DNAH5: variants seen among roughly 807,000 people sequenced by gnomAD.
DNAH5 encodes the protein dynein axonemal heavy chain 5.
Under a neutral mutation model 518.2 loss-of-function variants are expected in DNAH5, and 372 were observed. That is an observed-to-expected ratio of 0.72 (90% confidence interval 0.66 to 0.78). DNAH5 has a LOEUF of 0.78. Ranked by LOEUF, DNAH5 falls within the 30% of genes least tolerant of loss-of-function variation. DNAH5 has a pLI of 0.00. For missense variants in DNAH5, 5,523 were observed against 5,687.0 expected (o/e 0.97, Z 0.93); for synonymous variants, 2,039 against 2,025.9 (o/e 1.01, Z -0.17).
intron 1 of DNAH5, among the ~76,000 whole-genome samples, chr5:13,985,116 G>A (rs568793696): frequency 6.6e-5 from 10 of 152,122 alleles, no homozygotes; most frequent in African/African-American, 1.9e-4. Flanking sequence ...TGATGAGTTC[G>A]TGTCCTTTGT....
At chr5:13,901,217 C>T (rs775173376) in intron 14 of DNAH5, 35 bp downstream of exon 14, 1 of 1,596,340 alleles carries the variant, frequency 6.3e-7, no homozygotes, top group East Asian at 2.2e-5. Context: ...TCCCATGATT[C>T]CAACAATGGG....
At chr5:13,884,480 T>C (rs1305532786) in intron 19 of DNAH5, among the ~76,000 whole-genome samples, 8 of 152,234 alleles carry the variant, frequency 5.3e-5, no homozygotes, top group Non-Finnish European at 7.3e-5. Context: ...TAGTATCTAC[T>C]TAATAGAATT....
chr5:13,870,967 C>T lies in DNAH5; in HGVS notation c.3634G>A (p.Ala1212Thr). 1 of 1,613,720 alleles carries T rather than the reference C, an allele frequency of 6.2e-7. No homozygotes were observed. The change falls in exon 24 of 79, where the codon GCC becomes ACC. Residue 1212 changes from alanine (A) to threonine (T), a missense_variant. Ala to Thr is a moderately conservative substitution (Grantham distance 58, BLOSUM62 0). This residue lies in a region of DNAH5 where 5,121 missense variants were observed against 5,223.3 expected (regional missense o/e 0.98). Coordinates refer to ENST00000265104, the MANE Select transcript of DNAH5 (RefSeq NM_001369.3). ...LKFALTAETKAWMVVIGRHCN... is the reference protein window; with the variant it reads ...LKFALTAETKTWMVVIGRHCN... Reference sequence around the variant, plus strand: ...TGGCGTCCAATGACAACCATCCAGGCCTTTGTCTCAGCAGTCAGGGCGAAC... The same window carrying T: ...TGGCGTCCAATGACAACCATCCAGGTCTTTGTCTCAGCAGTCAGGGCGAAC...
At chr5:13,842,423 A>AAAGAAAG (rs1391485740) in intron 32 of DNAH5, among the ~76,000 whole-genome samples, 28 of 75,960 alleles carry the variant, frequency 3.7e-4, no homozygotes, top group African/African-American at 1.4e-3. Context: ...AAAAGAAAAG[A>AAAGAAAG]AAAGAAAGAA....
At chr5:13,963,316 G>A (rs779012437) in intron 1 of DNAH5, among the ~76,000 whole-genome samples, 16 of 151,684 alleles carry the variant, frequency 1.1e-4, no homozygotes, top group East Asian at 5.8e-4. Flanking sequence ...GGTGGCTCAC[G>A]CCTATAATCC....
At chr5:13,872,585 T>A (rs114748818) in intron 22 of DNAH5, among the ~76,000 whole-genome samples, 2,231 of 152,314 alleles carry the variant, frequency 0.015, 63 homozygotes, top group African/African-American at 0.051. Flanking sequence ...TACATTTTTT[T>A]AAATTTATTT....
Position 13,867,922 on chromosome 5 carries a change from A to G in DNAH5, c.3905T>C (p.Leu1302Pro). ...CAGCAGCTTCTCCCAAGCATAGTGC[A>G]GTGTATCAACTTTGTCTATCTCTTC... The part of the protein sequence containing the change: ...AREEIDKVDT[L>P]HYAWEKLLAR... The change falls in exon 25 of 79, where the codon CTG (leucine) becomes CCG (proline). Residue 1302 changes from leucine (L) to proline (P), a missense_variant. Physicochemically the swap from Leu to Pro is moderately conservative, Grantham distance 98. Transcript: ENST00000265104. 6.2e-7 allele frequency: 1 copy of G among 1,614,060 alleles called. No homozygotes were observed. Among genetic ancestry groups the G allele is most frequent in the Non-Finnish European group, 8.5e-7 (1 of 1,179,928 alleles).
chr5:13,824,866 T>C (rs1241550604), intron 38 of DNAH5, among the ~76,000 whole-genome samples: 1 of 152,194 alleles, frequency 6.6e-6, no homozygotes, highest in Non-Finnish European at 1.5e-5. Flanking sequence ...AGCCCCCAGC[T>C]TTGTCATTCC....
At chr5:13,894,156 C>T (rs1773621224) in intron 16 of DNAH5, among the ~76,000 whole-genome samples, 1 of 152,152 alleles carries the variant, frequency 6.6e-6, no homozygotes. Context: ...ATATTTGAGC[C>T]CTTCTTTGCA....
intron 51 of DNAH5, 150 bp from the exon 52 acceptor site, chr5:13,786,501 GACA>G (rs1228778815): frequency 7.8e-6 from 6 of 767,392 alleles, no homozygotes; most frequent in Non-Finnish European, 1.1e-5. Flanking sequence ...AAAAACAGAA[GACA>G]ACAATAGAAG....
chr5:13,811,648 T>G lies in DNAH5; in HGVS notation c.7406A>C (p.Lys2469Thr), dbSNP rs1760732904. ...INMLQGLIPLKEQGGEVSQAH... is the reference protein window; with the variant it reads ...INMLQGLIPLTEQGGEVSQAH... ...TCTCTAGAAAGTTGAGCAATTTACC[T>G]TCAGAGGAATCAGGCCTTGAAGCAT... Residue 2469 changes from lysine to threonine, a missense_variant and splice_region_variant, in exon 44 of 79, where the codon AAG (lysine) becomes ACG (threonine). Lys to Thr is a moderately conservative substitution (Grantham distance 78). This residue lies in a region of DNAH5 where 5,121 missense variants were observed against 5,223.3 expected (regional missense o/e 0.98). Coordinates refer to ENST00000265104, the MANE Select transcript of DNAH5 (RefSeq NM_001369.3). The G allele has an allele frequency of 4.3e-6, 7 of 1,614,044 alleles. No individual in the cohort carries two copies. The highest frequency in any genetic ancestry group is 5.9e-6 in the Non-Finnish European group (7 of 1,179,914).
chr5:13,810,388 G>A (rs1426846359), intron 44 of DNAH5, 128 bp from the exon 45 acceptor site: 4 of 796,014 alleles, frequency 5.0e-6, no homozygotes, highest in Non-Finnish European at 8.5e-6. Flanking sequence ...GGGAAAGGAT[G>A]AATACAACTG....
intron 3 of DNAH5, among the ~76,000 whole-genome samples, chr5:13,927,332 A>T (rs6873193): frequency 6.6e-6 from 1 of 152,060 alleles, no homozygotes; most frequent in East Asian, 1.9e-4. Context: ...TCTCTACTGA[A>T]AATACAAAAA....
At chr5:13,916,222 A>C (rs1776628628) in intron 9 of DNAH5, 126 bp downstream of exon 9, 1 of 491,954 alleles carries the variant, frequency 2.0e-6, no homozygotes, top group South Asian at 2.6e-5. Context: ...TTGATAGCCT[A>C]AGCCTTTTTA....
At chr5:13,736,006 A>G (rs1467767483) in intron 66 of DNAH5, 74 bp from the exon 67 acceptor site, 2 of 1,237,460 alleles carry the variant, frequency 1.6e-6, no homozygotes, top group African/African-American at 3.0e-5. Context: ...AGATCAGCCT[A>G]AACTCTAAAT....
intron 10 of DNAH5, 26 bp from the exon 11 acceptor site, chr5:13,913,984 A>G (rs1776348387): frequency 6.8e-6 from 11 of 1,607,404 alleles, no homozygotes; most frequent in Non-Finnish European, 9.4e-6. Context: ...AAAATATACA[A>G]CAAAGGGAAC....
intron 68 of DNAH5, among the ~76,000 whole-genome samples, chr5:13,734,407 AATTTAT>A (rs570032753): frequency 2.1e-3 from 320 of 152,278 alleles, no homozygotes; most frequent in Middle Eastern, 6.8e-3. Context: ...TGTGATAGTG[AATTTAT>A]GTTTTCCAGC....
chr5:13,815,323 C>T (rs1486329815), intron 42 of DNAH5, among the ~76,000 whole-genome samples: 1 of 152,152 alleles, frequency 6.6e-6, no homozygotes, highest in Admixed American at 6.5e-5. Flanking sequence ...GTAGAATATT[C>T]CAGACAGCAA....
chr5:13,869,348 C>T (rs1056191603), intron 24 of DNAH5, among the ~76,000 whole-genome samples: 3 of 151,542 alleles, frequency 2.0e-5, no homozygotes, highest in Admixed American at 6.6e-5. Context: ...TACAATTAAA[C>T]TAGTCTCATT....
Sources: gnomAD v4.1 joint callset for allele counts (sites outside exome capture counted in the v4.1 genomes callset) on GRCh38, gnomAD v4.1.1 for gene constraint, gnomAD v4.1.1 regional missense constraint, MANE v1.5 for transcripts, NCBI Gene and HGNC (gene_info 2026-07-23, HGNC 2026-07-21) for gene names.